GLG1: variants seen among roughly 807,000 people sequenced by gnomAD.
The protein encoded by GLG1 is golgi glycoprotein 1.
In GLG1, 38 loss-of-function variants were observed where a neutral mutation model predicts 160.5. The ratio of observed to expected loss-of-function variants is 0.24; its 90% CI spans 0.18 to 0.31. The LOEUF (loss-of-function observed/expected upper bound fraction) is 0.31. GLG1 is among the 10% of genes least tolerant of loss of function. The pLI is 1.00. For missense variants in GLG1, 1,373 were observed against 1,505.2 expected, an observed-to-expected ratio of 0.91 and a Z score of 1.45; for synonymous variants, 644 against 543.4, an observed-to-expected ratio of 1.19 and a Z score of -2.57.
At chr16:74,501,888 G>A (rs2016416017) in intron 4 of GLG1, among the ~76,000 whole-genome samples, 1 of 152,176 alleles carries the variant, frequency 6.6e-6, no homozygotes, top group Admixed American at 6.6e-5. Flanking sequence ...TTATTTGCCT[G>A]AAAGATTTAT....
chr16:74,576,173 C>T (rs879803117), intron 1 of GLG1, among the ~76,000 whole-genome samples: 1 of 151,226 alleles, frequency 6.6e-6, no homozygotes, highest in African/African-American at 2.4e-5. Context: ...CTCCAGTCTG[C>T]GCGACAGAGC....
At chr16:74,516,014 A>G (rs2143529740) in intron 2 of GLG1, among the ~76,000 whole-genome samples, 1 of 151,770 alleles carries the variant, frequency 6.6e-6, no homozygotes, top group Non-Finnish European at 1.5e-5. Flanking sequence ...ACTATCCTAA[A>G]CATATATGCA....
rs374234322 is a variant in GLG1, at chr16:74,538,802, T to C, written c.439-6649A>G. ...CTCTCAAGTGCATATCTAATCATCA[T>C]ACAAGGCTGAATGTGGAGTTTTTAG... is the stretch of plus-strand genomic sequence containing the variant. On this transcript the variant is annotated intron_variant, in intron 1 of 25. Transcript: ENST00000422840. Among the ~76,000 whole-genome samples the C allele has an allele frequency of 5.4e-5, 8 of 148,844 alleles. No homozygotes were observed. The East Asian group carries it at 1.6e-3, about 30-fold the overall frequency.
chr16:74,461,917 T>C (rs2014813097), intron 22 of GLG1, 177 bp downstream of exon 22: 2 of 549,676 alleles, frequency 3.6e-6, no homozygotes, highest in East Asian at 6.1e-5. Flanking sequence ...TCAGGACTAA[T>C]GCCAAGTTGA....
Position 74,469,066 on chromosome 16 carries a change from G to A in GLG1, c.2319-3C>T. On this transcript the variant is annotated splice_polypyrimidine_tract_variant and splice_region_variant and intron_variant, in intron 16 of 25. Coordinates refer to ENST00000422840, the MANE Select transcript of GLG1 (RefSeq NM_001145667.2). Reference sequence around the variant, plus strand: ...TCAGGCAGATCACCACGTCCACCCTGCAGACGAAAGAAGCTTGAGGCTGGC... The same window carrying A: ...TCAGGCAGATCACCACGTCCACCCTACAGACGAAAGAAGCTTGAGGCTGGC... 1 of 1,606,980 alleles carries A rather than the reference G, an allele frequency of 6.2e-7. No individual in the cohort carries two copies. The highest frequency in any genetic ancestry group is 8.5e-7 in the Non-Finnish European group (1 of 1,173,424).
At chr16:74,601,630 T>G (rs1488309683) in intron 1 of GLG1, among the ~76,000 whole-genome samples, 1 of 152,008 alleles carries the variant, frequency 6.6e-6, no homozygotes, top group African/African-American at 2.4e-5. Context: ...TTAAGGTGAG[T>G]TGGGATTTGA....
At chr16:74,488,121 C>G (rs150493556) in intron 8 of GLG1, among the ~76,000 whole-genome samples, 1 of 152,216 alleles carries the variant, frequency 6.6e-6, no homozygotes, top group East Asian at 1.9e-4. Context: ...ATTATGCTTA[C>G]GCTTTACAGC....
At chr16:74,590,777 A>G (rs1310072626) in intron 1 of GLG1, among the ~76,000 whole-genome samples, 3 of 149,278 alleles carry the variant, frequency 2.0e-5, no homozygotes, top group South Asian at 2.1e-4. Flanking sequence ...AGCCTGGGCA[A>G]CAAGAGTGAA....
intron 1 of GLG1, among the ~76,000 whole-genome samples, chr16:74,561,252 C>T (rs557132096): frequency 3.3e-5 from 5 of 152,212 alleles, no homozygotes; most frequent in African/African-American, 1.2e-4. Flanking sequence ...TAGGCCTGCA[C>T]CCTCACACCC....
At chr16:74,482,350 G>A (rs1451301300) in intron 10 of GLG1, among the ~76,000 whole-genome samples, 2 of 152,128 alleles carry the variant, frequency 1.3e-5, no homozygotes, top group African/African-American at 2.4e-5. Flanking sequence ...CTTAACAACC[G>A]AATGGAGAAG....
chr16:74,494,029 G>C (rs888120345), intron 6 of GLG1, among the ~76,000 whole-genome samples: 3 of 151,936 alleles, frequency 2.0e-5, no homozygotes, highest in Non-Finnish European at 4.4e-5. Flanking sequence ...ACAAAAATTA[G>C]CTGGGCGTGT....
At chr16:74,533,867 T>C (rs1319399370) in intron 1 of GLG1, among the ~76,000 whole-genome samples, 3 of 152,224 alleles carry the variant, frequency 2.0e-5, no homozygotes, top group Non-Finnish European at 2.9e-5. Context: ...AACTTAAATA[T>C]TATCAATTTA....
intron 1 of GLG1, among the ~76,000 whole-genome samples, chr16:74,532,900 G>A (rs2017584326): frequency 6.6e-6 from 1 of 152,032 alleles, no homozygotes; most frequent in Non-Finnish European, 1.5e-5. Flanking sequence ...AAGATCTCTA[G>A]GTACTGTTTT....
At position 74,483,234 on chromosome 16, in the gene GLG1, C is replaced by T. The variant is rs189214631; in HGVS notation, c.1572-110G>A. On this transcript the variant is annotated intron_variant, in intron 9 of 25. Transcript: ENST00000422840. ...GCGGCTTTTAGTTATTTTCTTAGGG[C>T]AATCAGATTTATTTTTCTAAGAATC... The T allele has an allele frequency of 4.0e-4, 272 of 674,742 alleles. 1 individual carries two copies. The highest frequency in any genetic ancestry group is 1.6e-3 in the Middle Eastern group (6 of 3,840). The allele number at this position is 674,742 out of a possible 1,614,324, so 41.8% of individuals were successfully genotyped here. A position where few individuals can be genotyped will look rare whatever the true frequency, so the allele number is the denominator to read the frequency against.
rs371462268 is a variant in GLG1 at position 74,458,301 on chromosome 16, C to T, written c.3145-307G>A. The stretch of plus-strand genomic sequence containing the variant: ...GTCGTATCATTTTAAAATACCTAAA[C>T]GTTAATATTTTTATTGGTGTGATAC... On this transcript the variant is annotated intron_variant, in intron 23 of 25. Coordinates refer to ENST00000422840, the MANE Select transcript of GLG1 (RefSeq NM_001145667.2). The T allele has an allele frequency of 1.3e-5, 3 of 225,100 alleles. No individual in the cohort carries two copies. The South Asian group carries it at 3.6e-4, about 27-fold the overall frequency. The allele number at this position is 225,100 out of a possible 1,614,324, so 13.9% of individuals were successfully genotyped here.
chr16:74,558,383 G>A (rs2018409723), intron 1 of GLG1, among the ~76,000 whole-genome samples: 1 of 152,204 alleles, frequency 6.6e-6, no homozygotes, highest in Admixed American at 6.5e-5. Context: ...CCTTCCATGT[G>A]CTCAATTATG....
Position 74,496,585 on chromosome 16 carries a change from T to C in GLG1, c.834A>G (p.Ala278=). Residue 278 remains alanine (A), a synonymous_variant, in exon 5 of 26, where the codon GCA becomes GCG. Transcript: ENST00000422840. ...SCLEKGLVKE[A]EEREPKIQVS... ...CTTGAATCTTGGGTTCTCTTTCTTCTGCTTCTTTCACCAGGCCTTTCTCCA... is the reference window on the plus strand; with the variant it reads ...CTTGAATCTTGGGTTCTCTTTCTTCCGCTTCTTTCACCAGGCCTTTCTCCA... The C allele has an allele frequency of 1.2e-6, 2 of 1,613,574 alleles. No homozygotes were observed. The highest frequency in any genetic ancestry group is 1.1e-5 in the South Asian group (1 of 91,064).
intron 16 of GLG1, chr16:74,469,776 C>G (rs955533247): frequency 1.7e-6 from 1 of 574,854 alleles, no homozygotes; most frequent in Non-Finnish European, 3.1e-6. Flanking sequence ...GCTCCTTTAG[C>G]CTATGGGACC....
chr16:74,566,923 A>G (rs923716531), intron 1 of GLG1, among the ~76,000 whole-genome samples: 1 of 152,206 alleles, frequency 6.6e-6, no homozygotes, highest in Non-Finnish European at 1.5e-5. Flanking sequence ...AACCTAACAC[A>G]TATTGCTAAG....
Sources: allele counts gnomAD v4.1 joint callset (sites outside exome capture counted in the v4.1 genomes callset), GRCh38; gene constraint gnomAD v4.1.1; transcripts MANE v1.5; gene names NCBI Gene and HGNC (gene_info 2026-07-23, HGNC 2026-07-21).